Variants in TBC1D5 observed in about 807,000 individuals in gnomAD.
TBC1D5 encodes TBC1 domain family, member 5.
In TBC1D5, 75 loss-of-function variants were observed where a neutral mutation model predicts 100.3. That is an observed-to-expected ratio of 0.75 (90% CI 0.62 to 0.91). The LOEUF (loss-of-function observed/expected upper bound fraction) is 0.91, where lower values mean the gene tolerates loss of function less well. TBC1D5 is among the 40% of genes least tolerant of loss of function. TBC1D5 has a pLI of 0.00. For missense variants in TBC1D5, 910 were observed against 942.4 expected, an observed-to-expected ratio of 0.97 and a Z score of 0.45; for synonymous variants, 323 against 325.6, an observed-to-expected ratio of 0.99 and a Z score of 0.09.
intron 10 of TBC1D5, among the ~76,000 whole-genome samples, chr3:17,376,100 T>C (rs1369457635): frequency 7.9e-5 from 12 of 152,196 alleles, no homozygotes; most frequent in Non-Finnish European, 1.5e-4. Context: ...CTGAGGTTCT[T>C]TGTGGCTCCT....
intron 3 of TBC1D5, among the ~76,000 whole-genome samples, chr3:17,439,921 CTGT>C (rs2094614071): frequency 6.6e-6 from 1 of 152,130 alleles, no homozygotes; most frequent in Non-Finnish European, 1.5e-5. Context: ...CCTAGACAAA[CTGT>C]AAATGGGCCC....
intron 1 of TBC1D5, among the ~76,000 whole-genome samples, chr3:17,724,692 A>G (rs2075981004): frequency 6.6e-6 from 1 of 152,154 alleles, no homozygotes; most frequent in South Asian, 2.1e-4. Flanking sequence ...ATCTCATCAA[A>G]TATTGTCTAT....
intron 1 of TBC1D5, among the ~76,000 whole-genome samples, chr3:17,626,237 T>C (rs1191252552): frequency 6.6e-6 from 1 of 152,176 alleles, no homozygotes; most frequent in Non-Finnish European, 1.5e-5. Context: ...AACCACATTC[T>C]TCAACTATAA....
chr3:17,277,948 A>G (rs933802185), intron 15 of TBC1D5, among the ~76,000 whole-genome samples: 6 of 152,218 alleles, frequency 3.9e-5, no homozygotes, highest in Middle Eastern at 3.2e-3. Flanking sequence ...GAAATTACAA[A>G]ATACAGAATA....
intron 13 of TBC1D5, among the ~76,000 whole-genome samples, chr3:17,349,207 T>C (rs2090263760): frequency 6.6e-6 from 1 of 152,182 alleles, no homozygotes; most frequent in Non-Finnish European, 1.5e-5. Context: ...TATATATCAG[T>C]GGTTCACAAA....
intron 13 of TBC1D5, among the ~76,000 whole-genome samples, chr3:17,363,652 AT>A (rs891018260): frequency 5.9e-5 from 9 of 151,314 alleles, no homozygotes; most frequent in Non-Finnish European, 1.2e-4. Flanking sequence ...GCCTCAAGAT[AT>A]CTTCCCGCCA....
intron 19 of TBC1D5, among the ~76,000 whole-genome samples, chr3:17,182,490 C>T (rs746114475): frequency 1.3e-5 from 2 of 152,126 alleles, no homozygotes; most frequent in Admixed American, 6.6e-5. Context: ...TTGAAAATTC[C>T]GAGGCTTAAG....
chr3:17,550,190 T>C (rs2096460392), intron 2 of TBC1D5, among the ~76,000 whole-genome samples: 1 of 152,108 alleles, frequency 6.6e-6, no homozygotes, highest in African/African-American at 2.4e-5. Flanking sequence ...TCTTAAATCA[T>C]TGAGTCTTTC....
chr3:17,257,212 A>T (rs2077793303), intron 16 of TBC1D5, among the ~76,000 whole-genome samples: 1 of 152,204 alleles, frequency 6.6e-6, no homozygotes, highest in South Asian at 2.1e-4. Flanking sequence ...AAAGGATTCC[A>T]GCTAAAAAGG....
At chr3:17,279,598 A>C (rs2080357907) in intron 15 of TBC1D5, among the ~76,000 whole-genome samples, 1 of 152,214 alleles carries the variant, frequency 6.6e-6, no homozygotes, top group South Asian at 2.1e-4. Flanking sequence ...TTGTATAGTC[A>C]CTGTGCATGT....
chr3:17,697,168 G>A (rs62245768), intron 1 of TBC1D5, among the ~76,000 whole-genome samples: 1,784 of 152,250 alleles, frequency 0.012, 19 homozygotes, highest in Non-Finnish European at 0.02. Flanking sequence ...GGCAACAACC[G>A]GAAGCATTTC....
intron 1 of TBC1D5, among the ~76,000 whole-genome samples, chr3:17,737,709 T>C (rs1201859604): frequency 6.6e-6 from 1 of 152,116 alleles, no homozygotes; most frequent in Non-Finnish European, 1.5e-5. Context: ...CTTCTTCATG[T>C]AGCCTTCATC....
At chr3:17,472,255 CAGCCTCCCGA>C (rs1275870410) in intron 3 of TBC1D5, among the ~76,000 whole-genome samples, 3 of 151,776 alleles carry the variant, frequency 2.0e-5, no homozygotes, top group Non-Finnish European at 4.4e-5. Flanking sequence ...TCTCCTGCCT[CAGCCTCCCGA>C]GTAGCTGGGA....
exon 16 of TBC1D5, chr3:17,258,512 T>C: frequency 1.2e-6 from 2 of 1,611,980 alleles, no homozygotes; most frequent in Non-Finnish European, 1.7e-6. Flanking sequence ...TTACCGGCTT[T>C]TATTCATGAG....
intron 1 of TBC1D5, among the ~76,000 whole-genome samples, chr3:17,666,642 A>T (rs1440981755): frequency 6.6e-6 from 1 of 152,192 alleles, no homozygotes; most frequent in East Asian, 1.9e-4. Flanking sequence ...CACCGAGTAC[A>T]TGTTTAGATT....
intron 18 of TBC1D5, among the ~76,000 whole-genome samples, chr3:17,198,232 T>A (rs2070983933): frequency 6.6e-6 from 1 of 152,208 alleles, no homozygotes; most frequent in Admixed American, 6.5e-5. Context: ...TGGTGTTCCC[T>A]GTGTCTCCTT....
At chr3:17,265,487 A>G (rs757071386) in intron 15 of TBC1D5, among the ~76,000 whole-genome samples, 1 of 152,170 alleles carries the variant, frequency 6.6e-6, no homozygotes, top group Non-Finnish European at 1.5e-5. Context: ...CTTTGATGAA[A>G]AATGAGACCC....
chr3:17,446,466 A>G (rs1479169785), intron 3 of TBC1D5, among the ~76,000 whole-genome samples: 1 of 152,108 alleles, frequency 6.6e-6, no homozygotes, highest in Non-Finnish European at 1.5e-5. Context: ...CTGAGATTAA[A>G]AAAAAAAATA....
chr3:17,541,712 C>T (rs911230843), intron 2 of TBC1D5, among the ~76,000 whole-genome samples: 4 of 152,258 alleles, frequency 2.6e-5, no homozygotes, highest in Admixed American at 2.0e-4. Context: ...TTAGAACATC[C>T]ATTACTATGT....
Sources: gnomAD v4.1 joint callset for allele counts (sites outside exome capture counted in the v4.1 genomes callset) on GRCh38, gnomAD v4.1.1 for gene constraint, MANE v1.5 for transcripts, NCBI Gene and HGNC (gene_info 2026-07-23, HGNC 2026-07-21) for gene names.